Variants in MCF2L2 observed in about 807,000 individuals in gnomAD.
MCF2L2 encodes MCF.2 cell line derived transforming sequence-like 2.
MCF2L2 carries 102 observed loss-of-function variants against 150.2 expected under a neutral mutation model. The observed-to-expected ratio is 0.68, with a 90% CI of 0.58 to 0.80. The LOEUF (loss-of-function observed/expected upper bound fraction) is 0.80. MCF2L2 is among the 30% of genes least tolerant of loss of function. The pLI is 0.00. For synonymous variants in MCF2L2, 465 were observed against 491.3 expected (o/e 0.95, Z 0.71); for missense variants, 1,256 against 1,372.8 (o/e 0.91, Z 1.34).
In MCF2L2 at chr3:183,283,910, T is replaced by C. The variant is rs1727646016; in HGVS notation, c.1776+5210A>G. On this transcript the variant is annotated intron_variant, in intron 14 of 29. Coordinates refer to ENST00000328913, the MANE Select transcript of MCF2L2 (RefSeq NM_015078.4). The surrounding 1 kb of genome is among the most constrained non-coding windows in gnomAD (Gnocchi z 4.2). ...GTGAGGAATTACTTTCTCTACCACA[T>C]TATATATTCCTTTTACTGTAGAAAC... Among the ~76,000 whole-genome samples the C allele has an allele frequency of 6.6e-6, 1 of 152,202 alleles. No homozygotes were observed. The highest frequency in any genetic ancestry group is 6.5e-5 in the Admixed American group (1 of 15,280).
intron 7 of MCF2L2, among the ~76,000 whole-genome samples, chr3:183,314,361 A>AT (rs1018727870): frequency 1.3e-5 from 2 of 152,038 alleles, no homozygotes; most frequent in Non-Finnish European, 2.9e-5. Flanking sequence ...ATGTTTAGAG[A>AT]TTTTTTTCTG....
intron 24 of MCF2L2, 54 bp from the exon 25 acceptor site, chr3:183,206,008 A>C (rs1722457109): frequency 1.9e-6 from 3 of 1,565,624 alleles, no homozygotes; most frequent in Non-Finnish European, 2.6e-6. Flanking sequence ...TTAATTGCAG[A>C]GTTTTTATTC....
chr3:183,262,276 A>G (rs1316350647), intron 15 of MCF2L2, among the ~76,000 whole-genome samples: 1 of 151,484 alleles, frequency 6.6e-6, no homozygotes. Flanking sequence ...GTATACATAC[A>G]TATACTAAGA....
Position 183,428,053 on chromosome 3 carries a change from G to T in MCF2L2, c.-76C>A. 1 of 1,124,272 alleles carries T rather than the reference G, an allele frequency of 8.9e-7. No individual in the cohort carries two copies. Among genetic ancestry groups the T allele is most frequent in the Non-Finnish European group, 1.3e-6 (1 of 746,222 alleles). 69.6% of individuals were successfully genotyped at this position (1,124,272 alleles called of 1,614,324 possible). On this transcript the variant is annotated 5_prime_UTR_variant, in exon 1 of 30. Coordinates refer to ENST00000328913, the MANE Select transcript of MCF2L2 (RefSeq NM_015078.4). This position sits in a 1 kb window ranked among gnomAD's most constrained non-coding sequence, Gnocchi z 5.1. ...CCGCTGCGGTGGATGATTTTTTAAA[G>T]GCATCTCCGCCCAAGGATGCTCTGC...
intron 1 of MCF2L2, 37 bp downstream of exon 1, chr3:183,427,865 A>G (rs769457027): frequency 4.4e-6 from 7 of 1,577,040 alleles, no homozygotes; most frequent in Non-Finnish European, 6.1e-6. Context: ...CTCACCCGCC[A>G]TTAATAAAAC....
chr3:183,181,041 C>G lies in MCF2L2; in HGVS notation c.3017-882G>C, dbSNP rs551962954. 5.3e-5 allele frequency among the ~76,000 whole-genome samples: 8 copies of G among 152,232 alleles called. No individual in the cohort carries two copies. The highest frequency in any genetic ancestry group is 1.9e-4 in the African/African-American group (8 of 41,456). On this transcript the variant is annotated intron_variant, in intron 27 of 29. Coordinates refer to ENST00000328913, the MANE Select transcript of MCF2L2 (RefSeq NM_015078.4). This position sits in a 1 kb window ranked among gnomAD's most constrained non-coding sequence, Gnocchi z 4.3. ...GACCGAGGGTCAGCTGAGTAGTCTA[C>G]GCGGCGGGAGCCGTGCTAGGAAAGT...
At chr3:183,359,415 T>A (rs1711993646) in intron 3 of MCF2L2, among the ~76,000 whole-genome samples, 2 of 152,236 alleles carry the variant, frequency 1.3e-5, no homozygotes, top group South Asian at 4.1e-4. Context: ...GCAGGGAAAC[T>A]GGACTGAATG....
chr3:183,210,851 T>C (rs76441925), intron 22 of MCF2L2, among the ~76,000 whole-genome samples: 240 of 152,192 alleles, frequency 1.6e-3, no homozygotes, highest in Non-Finnish European at 2.8e-3. Context: ...TGCACCTTCA[T>C]AGGCAAGTAA....
At chr3:183,199,267 A>G (rs922826947) in intron 25 of MCF2L2, among the ~76,000 whole-genome samples, 2 of 152,186 alleles carry the variant, frequency 1.3e-5, no homozygotes, top group Non-Finnish European at 1.5e-5. Flanking sequence ...TTTCATTTTT[A>G]TGTGATTTTT....
At chr3:183,364,452 G>A (rs575665035) in intron 3 of MCF2L2, among the ~76,000 whole-genome samples, 53 of 152,106 alleles carry the variant, frequency 3.5e-4, no homozygotes, top group African/African-American at 1.0e-3. Context: ...CCCAGGGGGC[G>A]GAGCTTGCAG....
At chr3:183,304,754 G>A (rs1486175662) in intron 10 of MCF2L2, among the ~76,000 whole-genome samples, 3 of 151,638 alleles carry the variant, frequency 2.0e-5, no homozygotes, top group African/African-American at 4.8e-5. Flanking sequence ...GATTACAGGC[G>A]TGAGCCACCG....
chr3:183,356,889 C>T (rs965808511), intron 3 of MCF2L2, among the ~76,000 whole-genome samples: 3 of 152,146 alleles, frequency 2.0e-5, no homozygotes. Context: ...AAGAATACTC[C>T]ATCCATAAAA....
At chr3:183,196,238 GA>G (rs1197078491) in intron 25 of MCF2L2, among the ~76,000 whole-genome samples, 1 of 152,180 alleles carries the variant, frequency 6.6e-6, no homozygotes, top group Non-Finnish European at 1.5e-5. Flanking sequence ...TTACCTCCGA[GA>G]GGCCCTCTCT....
intron 2 of MCF2L2, among the ~76,000 whole-genome samples, chr3:183,383,649 C>T (rs1713664964): frequency 6.6e-6 from 1 of 152,186 alleles, no homozygotes; most frequent in African/African-American, 2.4e-5. Flanking sequence ...GAGGGGCAAG[C>T]ACCTCTTTCA....
At chr3:183,339,034 C>T (rs1463612368) in intron 4 of MCF2L2, 115 bp from the exon 5 acceptor site, 5 of 1,025,710 alleles carry the variant, frequency 4.9e-6, no homozygotes, top group African/African-American at 1.6e-5. Flanking sequence ...AAAGTTAAAA[C>T]GGATGCCATG....
At chr3:183,407,501 A>G (rs1350467083) in intron 1 of MCF2L2, among the ~76,000 whole-genome samples, 1 of 152,220 alleles carries the variant, frequency 6.6e-6, no homozygotes, top group African/African-American at 2.4e-5. Context: ...AGTTTTATAA[A>G]CAGAGGTTTT....
chr3:183,184,986 G>A (rs560370083), intron 27 of MCF2L2, among the ~76,000 whole-genome samples: 9 of 151,148 alleles, frequency 6.0e-5, no homozygotes, highest in East Asian at 3.9e-4. Flanking sequence ...ACACGATCTC[G>A]GCTCACTGCA....
At chr3:183,367,780 T>C (rs1477458581) in intron 3 of MCF2L2, among the ~76,000 whole-genome samples, 1 of 152,074 alleles carries the variant, frequency 6.6e-6, no homozygotes, top group Non-Finnish European at 1.5e-5. Flanking sequence ...AAAATAACAA[T>C]GTAACTAACA....
At chr3:183,295,224 T>G (rs1285601369) in intron 13 of MCF2L2, 76 bp downstream of exon 13, 1 of 1,428,010 alleles carries the variant, frequency 7.0e-7, no homozygotes, top group Admixed American at 2.2e-5. Context: ...TTATCCATTG[T>G]AGACAACCAG....
Sources: allele counts gnomAD v4.1 joint callset (sites outside exome capture counted in the v4.1 genomes callset), GRCh38; gene constraint gnomAD v4.1.1; non-coding constraint Gnocchi (gnomAD v3.1); transcripts MANE v1.5; gene names NCBI Gene and HGNC (gene_info 2026-07-23, HGNC 2026-07-21).